Variants in CEP95 observed in about 807,000 individuals in gnomAD.
The protein encoded by CEP95 is centrosomal protein of 95 kDa.
CEP95 carries 98 observed loss-of-function variants against 111.2 expected under a neutral mutation model. The ratio of observed to expected loss-of-function variants is 0.88; its 90% CI spans 0.75 to 1.04. The LOEUF is 1.04. CEP95 is among the 50% of genes least tolerant of loss of function. The probability of loss-of-function intolerance (pLI) is 0.00; values close to 1 mark genes in which losing one functional copy is unlikely to be tolerated. For synonymous variants in CEP95, 323 were observed against 327.1 expected (o/e 0.99, Z 0.14); for missense variants, 1,027 against 977.2 (o/e 1.05, Z -0.68).
In CEP95 at chr17:64,532,870, T is replaced by TA; in HGVS notation, c.1705dup (p.Met569AsnfsTer27). Reference sequence around the variant, plus strand: ...TAAGTGAACACAGTCTCCTGCCCCTTATGCTGGAGCAGTTTCCGTTTCTTT... The same window carrying TA: ...TAAGTGAACACAGTCTCCTGCCCCTTAATGCTGGAGCAGTTTCCGTTTCTTT... On this transcript the variant is annotated frameshift_variant, in exon 15 of 20. Transcript: ENST00000556440. LOFTEE classifies it high-confidence loss of function. 1.9e-6 allele frequency: 3 copies of TA among 1,613,498 alleles called. No individual in the cohort carries two copies. Among genetic ancestry groups the TA allele is most frequent in the Non-Finnish European group, 1.7e-6 (2 of 1,179,732 alleles).
Position 64,530,998 on chromosome 17 carries a change from C to A in CEP95, c.1519C>A (p.His507Asn), listed in dbSNP as rs781953271. The change falls in exon 13 of 20, where the codon CAT becomes AAT. Residue 507 changes from histidine (H) to asparagine (N), a missense_variant. Transcript: ENST00000556440. ...VQENIGPLRIHEKEEETEKIY... is the reference protein window; with the variant it reads ...VQENIGPLRINEKEEETEKIY... ...AGAGAATATTGGACCTCTAAGAATACATGAGAAGGAGGAGGAAACAGTGGG... is the reference window on the plus strand; with the variant it reads ...AGAGAATATTGGACCTCTAAGAATAAATGAGAAGGAGGAGGAAACAGTGGG... 2.6e-6 allele frequency: 4 copies of A among 1,549,582 alleles called. No individual in the cohort carries two copies.
At position 64,532,153 on chromosome 17, in the gene CEP95, A is replaced by G. The variant is rs901093072; in HGVS notation, c.1672+131A>G. On this transcript the variant is annotated intron_variant, in intron 14 of 19. Transcript: ENST00000556440. ...AGAAAGTTTTTTTTTTTTCCCAATCACTGCCATGTGGCTGGTTTTCCGTAG... is the reference window on the plus strand; with the variant it reads ...AGAAAGTTTTTTTTTTTTCCCAATCGCTGCCATGTGGCTGGTTTTCCGTAG... The G allele has an allele frequency of 8.8e-6, 12 of 1,365,910 alleles. No homozygotes were observed. The East Asian group carries it at 3.0e-4, about 34-fold the overall frequency. The allele number at this position is 1,365,910 out of a possible 1,614,324, so 84.6% of individuals were successfully genotyped here. A position where few individuals can be genotyped will look rare whatever the true frequency, so the allele number is the denominator to read the frequency against.
intron 8 of CEP95, 45 bp downstream of exon 8, chr17:64,522,940 A>T: frequency 7.0e-7 from 1 of 1,436,856 alleles, no homozygotes; most frequent in Non-Finnish European, 9.6e-7. Flanking sequence ...GTACACTTGT[A>T]TGTATGTCTG....
Position 64,529,272 on chromosome 17 carries a change from C to T in CEP95, c.1307-16C>T, listed in dbSNP as rs782572705. 3.1e-6 allele frequency: 5 copies of T among 1,602,628 alleles called. No individual in the cohort carries two copies. The South Asian group carries it at 5.6e-5, about 18-fold the overall frequency. On this transcript the variant is annotated splice_polypyrimidine_tract_variant and intron_variant, in intron 11 of 19. Transcript: ENST00000556440. Reference sequence around the variant, plus strand: ...GCTATCAGGAACTAATGTTATATGTCTTTTCTCTGTTGCAGGACTTTCCAT... The same window carrying T: ...GCTATCAGGAACTAATGTTATATGTTTTTTCTCTGTTGCAGGACTTTCCAT...
intron 10 of CEP95, among the ~76,000 whole-genome samples, chr17:64,526,725 CTGA>C (rs1239215303): frequency 6.6e-6 from 1 of 152,176 alleles, no homozygotes; most frequent in African/African-American, 2.4e-5. Flanking sequence ...CTTTGAGAGG[CTGA>C]GGCAGGTGGA....
chr17:64,534,398 A>T (rs548552232), intron 16 of CEP95, 187 bp from the exon 17 acceptor site: 3 of 554,992 alleles, frequency 5.4e-6, no homozygotes, highest in African/African-American at 1.9e-5. Context: ...GTGGGGTGTT[A>T]TTGGAGCTGC....
At chr17:64,527,313 T>G (rs1555679327) in intron 11 of CEP95, 49 bp downstream of exon 11, 1 of 1,427,226 alleles carries the variant, frequency 7.0e-7, no homozygotes, top group Non-Finnish European at 9.4e-7. Flanking sequence ...GTGAACTACT[T>G]AGGCAGTTCC....
intron 4 of CEP95, among the ~76,000 whole-genome samples, 165 bp from the exon 5 acceptor site, chr17:64,516,558 T>C (rs2039154324): frequency 6.6e-6 from 1 of 152,230 alleles, no homozygotes; most frequent in South Asian, 2.1e-4. Flanking sequence ...TAATACATGC[T>C]CATTACAGGT....
At chr17:64,531,464 C>T (rs1968276172) in intron 13 of CEP95, among the ~76,000 whole-genome samples, 1 of 152,024 alleles carries the variant, frequency 6.6e-6, no homozygotes, top group South Asian at 2.1e-4. Context: ...AATGCTTATG[C>T]TAAAATATTC....
At chr17:64,512,030 A>T (rs1486888035) in intron 3 of CEP95, among the ~76,000 whole-genome samples, 2 of 152,220 alleles carry the variant, frequency 1.3e-5, no homozygotes, top group African/African-American at 4.8e-5. Flanking sequence ...GATTGGTTAG[A>T]TAAATCATGA....
rs782717410 is a variant in CEP95, at chr17:64,533,101, C to T, written c.1843-16C>T. ...ACAGCATTATTAACCTACTTAACTT[C>T]ATGTCCCCCTTCAAGATAGAAGAAG... On this transcript the variant is annotated splice_polypyrimidine_tract_variant and intron_variant, in intron 15 of 19. Coordinates refer to ENST00000556440, the MANE Select transcript of CEP95 (RefSeq NM_138363.3). 1.3e-5 allele frequency: 21 copies of T among 1,606,506 alleles called. No individual in the cohort carries two copies. The African/African-American group carries it at 2.7e-4, about 21-fold the overall frequency.
intron 3 of CEP95, among the ~76,000 whole-genome samples, chr17:64,514,039 A>G (rs1555675740): frequency 6.6e-6 from 1 of 152,194 alleles, no homozygotes; most frequent in Non-Finnish European, 1.5e-5. Flanking sequence ...CTTCAAATAT[A>G]ATCAGGCAGC....
chr17:64,531,035 A>C lies in CEP95; in HGVS notation c.1539+17A>C. 1 of 1,410,902 alleles carries C rather than the reference A, an allele frequency of 7.1e-7. No homozygotes were observed. Among genetic ancestry groups the C allele is most frequent in the Non-Finnish European group, 9.8e-7 (1 of 1,024,126 alleles). 87.4% of individuals were successfully genotyped at this position (1,410,902 alleles called of 1,614,324 possible). On this transcript the variant is annotated intron_variant, in intron 13 of 19. Transcript: ENST00000556440. ...GAGGAAACAGTGGGTAAAAGTCTCC[A>C]CTGTAATAAATGCCATTTGATCAGA...
intron 8 of CEP95, among the ~76,000 whole-genome samples, chr17:64,524,652 T>C (rs1967650380): frequency 6.6e-6 from 1 of 152,086 alleles, no homozygotes; most frequent in Admixed American, 6.6e-5. Flanking sequence ...AAAAAGATAA[T>C]GAAGTGAAAT....
At chr17:64,530,591 C>T (rs1598239198) in intron 12 of CEP95, among the ~76,000 whole-genome samples, 1 of 150,684 alleles carries the variant, frequency 6.6e-6, no homozygotes. Context: ...TTACCTCAAC[C>T]TCCGTTTCCC....
At chr17:64,507,766 G>T in intron 1 of CEP95, 1 of 985,562 alleles carries the variant, frequency 1.0e-6, no homozygotes, top group South Asian at 4.7e-5. Context: ...ACTCTCATTC[G>T]TTTCCAGAAC....
intron 3 of CEP95, among the ~76,000 whole-genome samples, chr17:64,511,348 A>G (rs753618392): frequency 1.3e-5 from 2 of 152,218 alleles, no homozygotes; most frequent in Non-Finnish European, 2.9e-5. Context: ...TCTACAGACC[A>G]TAAAAGATGG....
chr17:64,508,159 C>G, intron 1 of CEP95: 3 of 985,410 alleles, frequency 3.0e-6, no homozygotes, highest in Non-Finnish European at 3.6e-6. Context: ...TGGGTAAACA[C>G]AAGACCAATA....
At chr17:64,514,478 A>C in intron 4 of CEP95, 120 bp downstream of exon 4, 1 of 551,346 alleles carries the variant, frequency 1.8e-6, no homozygotes, top group Non-Finnish European at 3.3e-6. Context: ...TATACCTGAT[A>C]ACCGTAGTTG....
Sources: gnomAD v4.1 joint callset for allele counts (sites outside exome capture counted in the v4.1 genomes callset) on GRCh38, gnomAD v4.1.1 for gene constraint, MANE v1.5 for transcripts, NCBI Gene and HGNC (gene_info 2026-07-23, HGNC 2026-07-21) for gene names.